The following FHIP2A variants were observed in gnomAD, a reference collection of about 807,000 sequenced individuals.
The protein encoded by FHIP2A is family with sequence similarity 160 member B1.
In FHIP2A, 46 loss-of-function variants were observed where a neutral mutation model predicts 93.5. The observed-to-expected ratio is 0.49, with a 90% CI of 0.39 to 0.63. The LOEUF is 0.63. FHIP2A is among the 20% of genes least tolerant of loss of function. The pLI, the probability that FHIP2A is intolerant of heterozygous loss-of-function variation, is 0.00. For synonymous variants in FHIP2A, 332 were observed against 326.5 expected (o/e 1.02, Z -0.18); for missense variants, 769 against 909.7 (o/e 0.85, Z 1.99).
At chr10:114,834,075 C>G (rs1266038328) in intron 3 of FHIP2A, among the ~76,000 whole-genome samples, 1 of 151,986 alleles carries the variant, frequency 6.6e-6, no homozygotes, top group South Asian at 2.1e-4. Context: ...AAGGGGCCTC[C>G]CCAGCCCTAA....
At position 114,899,496 on chromosome 10, in the gene FHIP2A, G is replaced by A. The variant is rs62641708; in HGVS notation, c.2199G>A (p.Thr733=). ...TTCTTTCTTTTATCCTCAGGCAGAC[G>A]TTGCCTTCATGGTGGTAAGAGGGAT... The change falls in exon 17 of 17, where the codon ACG becomes ACA. Residue 733 remains threonine (T), a synonymous_variant. Coordinates refer to the FHIP2A transcript ENST00000369250. 0.012 allele frequency: 8,596 copies of A among 718,370 alleles called. 491 individuals are homozygous for A. In the African/African-American group the frequency reaches 0.13, roughly 11 times the overall value. 44.5% of individuals were successfully genotyped at this position (718,370 alleles called of 1,614,324 possible).
At chr10:114,847,048 TAATAA>T (rs1297505113) in intron 11 of FHIP2A, 37 bp from the exon 12 acceptor site, 5 of 1,512,544 alleles carry the variant, frequency 3.3e-6, no homozygotes, top group African/African-American at 1.4e-5. Flanking sequence ...GAAAATGTCA[TAATAA>T]AATAGTGCTT....
At chr10:114,861,014 A>G (rs1453051515) in intron 15 of FHIP2A, 125 bp downstream of exon 15, 1 of 1,071,296 alleles carries the variant, frequency 9.3e-7, no homozygotes, top group East Asian at 2.4e-5. Flanking sequence ...AGTAATTATT[A>G]TACATTCTGA....
At chr10:114,866,036 G>A (rs1012345374), downstream of FHIP2A, among the ~76,000 whole-genome samples, 6 of 152,004 alleles carry the variant, frequency 3.9e-5, no homozygotes, top group African/African-American at 7.3e-5. Flanking sequence ...ATAGGTAAAC[G>A]TGTGCCATGG....
chr10:114,854,023 G>T (rs1268901771), intron 13 of FHIP2A, among the ~76,000 whole-genome samples: 1 of 152,034 alleles, frequency 6.6e-6, no homozygotes, highest in Non-Finnish European at 1.5e-5. Flanking sequence ...TTCAATTCAA[G>T]TAAATTACAT....
At chr10:114,834,915 A>G (rs1421197075) in intron 3 of FHIP2A, among the ~76,000 whole-genome samples, 1 of 152,352 alleles carries the variant, frequency 6.6e-6, no homozygotes, top group Middle Eastern at 3.4e-3. Context: ...TGTCTATGCA[A>G]AGGGCTGAAT....
chr10:114,826,919 G>C (rs555951292), intron 1 of FHIP2A, among the ~76,000 whole-genome samples: 1 of 152,100 alleles, frequency 6.6e-6, no homozygotes, highest in East Asian at 1.9e-4. Flanking sequence ...GCTTGAATCC[G>C]GGAGGCAGAG....
intron 16 of FHIP2A, among the ~76,000 whole-genome samples, chr10:114,878,775 CAA>C (rs71007499): frequency 3.0e-5 from 3 of 101,206 alleles, no homozygotes; most frequent in Non-Finnish European, 6.6e-5. Context: ...GACTTCGCCT[CAA>C]AAAAAAAAAA....
In FHIP2A at chr10:114,890,290, A is replaced by G. The variant is rs549278753; in HGVS notation, c.2193-9200A>G. On this transcript the variant is annotated intron_variant, in intron 16 of 16. Coordinates refer to the FHIP2A transcript ENST00000369250. ...TGATCCACCCACCTTGGCCTCCCAAAGTGCTGGGACTACAGGCATGAGGCA... is the reference window on the plus strand; with the variant it reads ...TGATCCACCCACCTTGGCCTCCCAAGGTGCTGGGACTACAGGCATGAGGCA... Among the ~76,000 whole-genome samples, 120 of 152,156 alleles carry G rather than the reference A, an allele frequency of 7.9e-4. 2 individuals are homozygous for G. The highest frequency in any genetic ancestry group is 1.2e-3 in the Non-Finnish European group (81 of 67,984).
In FHIP2A at chr10:114,836,151, C is replaced by T. The variant is rs764236262; in HGVS notation, c.427C>T (p.Leu143=). ...ATTAATTAGACTCTGTGGTGAAGTCCTAGCAACACCAACAGAAAATGAAGA... is the reference window on the plus strand; with the variant it reads ...ATTAATTAGACTCTGTGGTGAAGTCTTAGCAACACCAACAGAAAATGAAGA... ...QKLIRLCGEV[L]ATPTENEEIQ... is the part of the protein sequence containing the mutation. Residue 143 remains leucine, a synonymous_variant, in exon 5 of 17, where the codon CTA becomes TTA. Coordinates refer to ENST00000369248, the MANE Select transcript of FHIP2A (RefSeq NM_020940.4). 6.3e-7 allele frequency: 1 copy of T among 1,599,450 alleles called. No homozygotes were observed. Among genetic ancestry groups the T allele is most frequent in the Non-Finnish European group, 8.6e-7 (1 of 1,169,418 alleles).
Position 114,846,063 on chromosome 10 carries a change from T to C in FHIP2A, c.1179T>C (p.Gly393=), listed in dbSNP as rs1405009296. 6.2e-7 allele frequency: 1 copy of C among 1,614,104 alleles called. No individual in the cohort carries two copies. Residue 393 remains glycine, a synonymous_variant, in exon 9 of 17, where the codon GGT becomes GGC. Transcript: ENST00000369248. Reference sequence around the variant, plus strand: ...CTGTTCATGAAAGATTTTTCATTGGTGTTATGGAACCTCAATTAATGCAAA... The same window carrying C: ...CTGTTCATGAAAGATTTTTCATTGGCGTTATGGAACCTCAATTAATGCAAA... The part of the protein sequence containing the change: ...AKAVHERFFI[G]VMEPQLMQTS...
chr10:114,891,504 C>T (rs2083973640), intron 16 of FHIP2A, among the ~76,000 whole-genome samples: 1 of 148,726 alleles, frequency 6.7e-6, no homozygotes, highest in Admixed American at 6.7e-5. Context: ...TAATAAGATA[C>T]CTGAAATGCC....
intron 1 of FHIP2A, among the ~76,000 whole-genome samples, chr10:114,825,719 T>C (rs1232520704): frequency 2.0e-5 from 3 of 152,352 alleles, no homozygotes; most frequent in South Asian, 4.1e-4. Flanking sequence ...CGGGGTTAGA[T>C]TGGATTGTTT....
At chr10:114,885,626 C>G (rs559474078) in intron 16 of FHIP2A, among the ~76,000 whole-genome samples, 2 of 152,330 alleles carry the variant, frequency 1.3e-5, no homozygotes, top group South Asian at 4.1e-4. Context: ...AATCCTGTCT[C>G]AGCTGTAATC....
At chr10:114,836,620 G>A (rs913400368) in intron 5 of FHIP2A, among the ~76,000 whole-genome samples, 1 of 152,178 alleles carries the variant, frequency 6.6e-6, no homozygotes, top group Non-Finnish European at 1.5e-5. Context: ...GATGGCATGT[G>A]CAGATTTGGA....
intron 9 of FHIP2A, 27 bp downstream of exon 9, chr10:114,846,116 A>G: frequency 6.2e-7 from 1 of 1,612,992 alleles, no homozygotes; most frequent in Non-Finnish European, 8.5e-7. Context: ...CTTTTGAAAA[A>G]AACCGCATCA....
Position 114,863,654 on chromosome 10 carries a change from A to T in FHIP2A, c.*2114A>T. 1 of 1,300,846 alleles carries T rather than the reference A, an allele frequency of 7.7e-7. No homozygotes were observed. The highest frequency in any genetic ancestry group is 1.0e-6 in the Non-Finnish European group (1 of 987,840). 80.6% of individuals were successfully genotyped at this position (1,300,846 alleles called of 1,614,324 possible). A position where few individuals can be genotyped will look rare whatever the true frequency, so the allele number is the denominator to read the frequency against. ...CTTTTTTCTTTTATATTTAGTTCAG[A>T]CCTAGAGCCAGTAGAAGCTCTCACA... On this transcript the variant is annotated 3_prime_UTR_variant, in exon 17 of 17. Transcript: ENST00000369248.
At chr10:114,825,638 T>C (rs1193949682) in intron 1 of FHIP2A, among the ~76,000 whole-genome samples, 2 of 152,230 alleles carry the variant, frequency 1.3e-5, no homozygotes, top group African/African-American at 4.8e-5. Flanking sequence ...GTAAGAGTCT[T>C]ATGAAATGAA....
chr10:114,879,042 C>T (rs1383535314), intron 16 of FHIP2A, among the ~76,000 whole-genome samples: 1 of 152,118 alleles, frequency 6.6e-6, no homozygotes, highest in African/African-American at 2.4e-5. Flanking sequence ...ATGTGCCAGG[C>T]TTATTATTTA....
Sources: gnomAD v4.1 joint callset for allele counts (sites outside exome capture counted in the v4.1 genomes callset) on GRCh38, gnomAD v4.1.1 for gene constraint, MANE v1.5 for transcripts, NCBI Gene and HGNC (gene_info 2026-07-23, HGNC 2026-07-21) for gene names.